Variants in ULK4 observed in about 807,000 individuals in gnomAD.
The protein encoded by ULK4 is inactive serine/threonine-protein kinase ULK4.
In ULK4, 133 loss-of-function variants were observed where a neutral mutation model predicts 160.6. The ratio of observed to expected loss-of-function variants is 0.83; its 90% CI spans 0.72 to 0.96. ULK4 has a LOEUF of 0.96. Ranked by LOEUF, ULK4 falls within the 40% of genes least tolerant of loss-of-function variation. ULK4 has a pLI of 0.00. For missense variants in ULK4, 1,580 were observed against 1,499.5 expected (o/e 1.05, Z -0.89); for synonymous variants, 534 against 539.8 (o/e 0.99, Z 0.15).
chr3:41,687,322 A>G (rs2125799717), intron 27 of ULK4, among the ~76,000 whole-genome samples: 1 of 152,150 alleles, frequency 6.6e-6, no homozygotes, highest in East Asian at 1.9e-4. Flanking sequence ...GCCGTGTGCC[A>G]AGATCACACC....
intron 36 of ULK4, 62 bp from the exon 37 acceptor site, chr3:41,247,054 T>C: frequency 1.3e-6 from 2 of 1,526,896 alleles, no homozygotes; most frequent in Admixed American, 1.9e-5. Flanking sequence ...TGCTCCCCCC[T>C]TTCAAAGGGG....
chr3:41,346,670 T>C (rs1340519209), intron 35 of ULK4, among the ~76,000 whole-genome samples: 1 of 152,192 alleles, frequency 6.6e-6, no homozygotes, highest in South Asian at 2.1e-4. Context: ...TAATTTTCAT[T>C]GGGAACTACT....
At chr3:41,603,700 T>A in intron 31 of ULK4, among the ~76,000 whole-genome samples, 1 of 152,116 alleles carries the variant, frequency 6.6e-6, no homozygotes. Context: ...GTACTATAGT[T>A]TATAAAATAT....
At chr3:41,923,982 G>A (rs1699289794) in intron 5 of ULK4, among the ~76,000 whole-genome samples, 1 of 152,088 alleles carries the variant, frequency 6.6e-6, no homozygotes, top group Non-Finnish European at 1.5e-5. Flanking sequence ...TCTTTACACA[G>A]GAAATTAAAA....
chr3:41,867,038 T>G (rs1021310222), intron 17 of ULK4, among the ~76,000 whole-genome samples: 2 of 152,236 alleles, frequency 1.3e-5, no homozygotes, highest in African/African-American at 4.8e-5. Context: ...TTTATCAATA[T>G]GAACTATTGG....
chr3:41,759,426 TAACAA>T (rs1386985834), intron 21 of ULK4, among the ~76,000 whole-genome samples: 1 of 152,134 alleles, frequency 6.6e-6, no homozygotes, highest in Non-Finnish European at 1.5e-5. Flanking sequence ...GCTTTCACCC[TAACAA>T]AACATCTACA....
chr3:41,910,712 C>G (rs939893264), intron 11 of ULK4, among the ~76,000 whole-genome samples: 1 of 152,114 alleles, frequency 6.6e-6, no homozygotes, highest in Non-Finnish European at 1.5e-5. Context: ...AAAGCATTAA[C>G]AACAACAACA....
intron 2 of ULK4, among the ~76,000 whole-genome samples, chr3:41,950,867 G>A (rs1464194096): frequency 6.6e-6 from 1 of 151,832 alleles, no homozygotes; most frequent in Non-Finnish European, 1.5e-5. Context: ...TAAATAGGCT[G>A]GGCACGGTGG....
At chr3:41,346,033 T>G (rs923786818) in intron 35 of ULK4, among the ~76,000 whole-genome samples, 4 of 151,812 alleles carry the variant, frequency 2.6e-5, no homozygotes, top group African/African-American at 9.7e-5. Flanking sequence ...AACAGGTGGG[T>G]GCAGAGTATA....
intron 31 of ULK4, among the ~76,000 whole-genome samples, chr3:41,593,706 T>C (rs1172011909): frequency 1.3e-5 from 2 of 152,184 alleles, no homozygotes; most frequent in East Asian, 3.9e-4. Context: ...TTTTATACAA[T>C]GATGATCTAA....
intron 35 of ULK4, among the ~76,000 whole-genome samples, chr3:41,341,446 C>T (rs1051507346): frequency 2.4e-4 from 37 of 152,296 alleles, no homozygotes; most frequent in African/African-American, 8.2e-4. Context: ...TGAGTGGATA[C>T]AATGGCAGCA....
intron 17 of ULK4, among the ~76,000 whole-genome samples, chr3:41,853,757 A>C (rs1188045476): frequency 1.3e-5 from 2 of 152,122 alleles, no homozygotes; most frequent in Non-Finnish European, 2.9e-5. Context: ...ATCATGGACC[A>C]TGGACTGGTT....
chr3:41,945,639 C>A (rs1055535946), intron 2 of ULK4, among the ~76,000 whole-genome samples: 1 of 152,180 alleles, frequency 6.6e-6, no homozygotes, highest in African/African-American at 2.4e-5. Context: ...TATAAAGATA[C>A]ACAGCATTTC....
intron 35 of ULK4, among the ~76,000 whole-genome samples, chr3:41,295,988 T>C (rs998808886): frequency 7.2e-5 from 11 of 152,156 alleles, no homozygotes; most frequent in African/African-American, 2.7e-4. Flanking sequence ...TTGCCAAAAT[T>C]TGGAAGCAAG....
chr3:41,378,020 T>C (rs1314364265), intron 35 of ULK4, among the ~76,000 whole-genome samples: 3 of 151,668 alleles, frequency 2.0e-5, no homozygotes, highest in East Asian at 1.9e-4. Flanking sequence ...GTGGCACATA[T>C]ACACCATGGA....
chr3:41,268,572 G>A (rs1375844038), intron 35 of ULK4, among the ~76,000 whole-genome samples: 1 of 152,054 alleles, frequency 6.6e-6, no homozygotes, highest in Non-Finnish European at 1.5e-5. Flanking sequence ...TTGGGAGACC[G>A]AGGCGGGCAG....
At chr3:41,893,546 C>G (rs1320528486) in intron 16 of ULK4, among the ~76,000 whole-genome samples, 10 of 151,986 alleles carry the variant, frequency 6.6e-5, no homozygotes, top group Admixed American at 6.6e-4. Context: ...TCCATCTGTT[C>G]TAATTCTACA....
chr3:41,315,382 AC>A (rs1176453891), intron 35 of ULK4, among the ~76,000 whole-genome samples: 1 of 152,010 alleles, frequency 6.6e-6, no homozygotes, highest in Admixed American at 6.5e-5. Context: ...GTCAGTAGTT[AC>A]TCTTTTGAGT....
At position 41,717,762 on chromosome 3, in the gene ULK4, G is replaced by A; in HGVS notation, c.2421C>T (p.Ile807=). The A allele has an allele frequency of 6.2e-7, 1 of 1,614,104 alleles. No homozygotes were observed. The highest frequency in any genetic ancestry group is 8.5e-7 in the Non-Finnish European group (1 of 1,179,976). The change falls in exon 23 of 37, where the codon ATC becomes ATT. Residue 807 remains isoleucine (I), a synonymous_variant. Transcript: ENST00000301831. ...GTGGCAGCTCCTGCACAATGTGACA[G>A]ATGAGAAGATCCAGGCATTTGGACA... ...EYLSKCLDLL[I]CHIVQELPRI...
Sources: allele counts gnomAD v4.1 joint callset (sites outside exome capture counted in the v4.1 genomes callset), GRCh38; gene constraint gnomAD v4.1.1; transcripts MANE v1.5; gene names NCBI Gene and HGNC (gene_info 2026-07-23, HGNC 2026-07-21).